The following VPS13A variants were observed in gnomAD, a reference collection of about 807,000 sequenced individuals.
The protein encoded by VPS13A is intermembrane lipid transfer protein VPS13A.
VPS13A carries 264 observed loss-of-function variants against 390.9 expected under a neutral mutation model. That is an observed-to-expected ratio of 0.68 (90% confidence interval 0.61 to 0.75). The LOEUF (loss-of-function observed/expected upper bound fraction) is 0.75, where lower values mean the gene tolerates loss of function less well. Among genes scored for constraint, VPS13A ranks in the 30% least tolerant of loss-of-function variants. The probability of loss-of-function intolerance (pLI) is 0.00; values close to 1 mark genes in which losing one functional copy is unlikely to be tolerated. For missense variants in VPS13A, 3,409 were observed against 3,733.9 expected (o/e 0.91, Z 2.27); for synonymous variants, 1,231 against 1,227.1 (o/e 1.00, Z -0.07).
At chr9:77,352,712 T>A (rs1238406436) in intron 53 of VPS13A, among the ~76,000 whole-genome samples, 1 of 152,140 alleles carries the variant, frequency 6.6e-6, no homozygotes, top group African/African-American at 2.4e-5. Flanking sequence ...ACTTAGAAAG[T>A]ATTACAAGTA....
intron 9 of VPS13A, among the ~76,000 whole-genome samples, 183 bp downstream of exon 9, chr9:77,213,497 CTTTTT>C (rs527345941): frequency 7.1e-6 from 1 of 140,096 alleles, no homozygotes. Context: ...ACCCCCATAT[CTTTTT>C]TTTTTTTTTT....
At chr9:77,389,542 C>T (rs998936452) in intron 68 of VPS13A, among the ~76,000 whole-genome samples, 2 of 152,056 alleles carry the variant, frequency 1.3e-5, no homozygotes, top group Non-Finnish European at 2.9e-5. Context: ...TGAGCTCAAG[C>T]GATCCTACCG....
intron 26 of VPS13A, among the ~76,000 whole-genome samples, chr9:77,279,111 ATC>A (rs1826864110): frequency 6.6e-6 from 1 of 152,230 alleles, no homozygotes; most frequent in East Asian, 1.9e-4. Context: ...CGTCTTCCTT[ATC>A]GCAAGGGCAG....
intron 52 of VPS13A, among the ~76,000 whole-genome samples, chr9:77,345,555 T>C (rs1031142906): frequency 6.6e-6 from 1 of 152,170 alleles, no homozygotes; most frequent in African/African-American, 2.4e-5. Context: ...GGGAAAGGAC[T>C]GCTTCCTTAA....
intron 33 of VPS13A, among the ~76,000 whole-genome samples, chr9:77,299,470 T>C (rs1039054344): frequency 2.6e-5 from 4 of 152,178 alleles, no homozygotes; most frequent in African/African-American, 9.6e-5. Flanking sequence ...TTTTACACTG[T>C]TGGTGTGCGT....
At chr9:77,316,730 C>G (rs917948972) in intron 39 of VPS13A, among the ~76,000 whole-genome samples, 6 of 151,962 alleles carry the variant, frequency 3.9e-5, no homozygotes, top group African/African-American at 1.4e-4. Context: ...AGACTTTCTG[C>G]CAGTTGTTTG....
intron 23 of VPS13A, among the ~76,000 whole-genome samples, chr9:77,261,368 A>G (rs1229602527): frequency 6.6e-6 from 1 of 151,800 alleles, no homozygotes; most frequent in Non-Finnish European, 1.5e-5. Flanking sequence ...TGCATATACC[A>G]TCTTTTGCTT....
chr9:77,189,569 G>T (rs555507435), intron 1 of VPS13A, among the ~76,000 whole-genome samples: 2 of 152,228 alleles, frequency 1.3e-5, no homozygotes, highest in East Asian at 3.9e-4. Context: ...GTTTAGGGTT[G>T]CTTTGGCTAT....
intron 1 of VPS13A, among the ~76,000 whole-genome samples, chr9:77,181,137 T>C (rs1002416502): frequency 6.6e-6 from 1 of 152,206 alleles, no homozygotes; most frequent in Admixed American, 6.5e-5. Context: ...ATAGCTGGAG[T>C]ATTTTTTTAA....
At chr9:77,357,283 C>T (rs985049264) in intron 55 of VPS13A, among the ~76,000 whole-genome samples, 46 of 136,536 alleles carry the variant, frequency 3.4e-4, no homozygotes, top group African/African-American at 1.1e-3. Flanking sequence ...GGCCCCACTG[C>T]GCTCCAGCCT....
chr9:77,339,719 A>C lies in VPS13A; in HGVS notation c.6582A>C (p.Leu2194Phe), dbSNP rs1488641444. Reference protein sequence around the residue: ...TCVTEMEKTDLDIAVHMTYNT... With the variant: ...TCVTEMEKTDFDIAVHMTYNT... ...TTACAGAAATGGAAAAGACTGATTTAGATATTGCTGTCCATATGACTTACA... is the reference window on the plus strand; with the variant it reads ...TTACAGAAATGGAAAAGACTGATTTCGATATTGCTGTCCATATGACTTACA... Residue 2194 changes from leucine to phenylalanine, a missense_variant, in exon 48 of 72, where the codon TTA becomes TTC. Leu to Phe is a conservative substitution (Grantham distance 22). This residue lies in a region of VPS13A where 2,717 missense variants were observed against 2,917.4 expected (regional missense o/e 0.93). Transcript: ENST00000360280. The C allele has an allele frequency of 6.2e-7, 1 of 1,614,068 alleles. No homozygotes were observed.
chr9:77,178,293 G>C (rs11145319), intron 1 of VPS13A: 18,150 of 154,502 alleles, frequency 0.12, 1,128 homozygotes, highest in Middle Eastern at 0.14. Flanking sequence ...CGCTGTGACC[G>C]GGGACGCCCG....
chr9:77,193,640 A>G (rs1440262564), intron 1 of VPS13A, among the ~76,000 whole-genome samples: 1 of 152,194 alleles, frequency 6.6e-6, no homozygotes, highest in Non-Finnish European at 1.5e-5. Flanking sequence ...TCTTCAAAAA[A>G]ATAAATATAT....
intron 23 of VPS13A, among the ~76,000 whole-genome samples, chr9:77,263,024 G>A (rs1314991068): frequency 6.6e-6 from 1 of 152,060 alleles, no homozygotes; most frequent in African/African-American, 2.4e-5. Flanking sequence ...CTTCCACAAT[G>A]CTGGAACTAA....
chr9:77,334,583 CAT>C (rs1285101700), intron 46 of VPS13A, among the ~76,000 whole-genome samples: 3 of 152,134 alleles, frequency 2.0e-5, no homozygotes, highest in South Asian at 4.1e-4. Flanking sequence ...CTACTCTAAA[CAT>C]ATGTTTTTTG....
chr9:77,337,726 T>G (rs1830610531), intron 47 of VPS13A, 189 bp downstream of exon 47: 2 of 579,484 alleles, frequency 3.5e-6, no homozygotes, highest in Admixed American at 3.2e-5. Context: ...AGAACTAGAC[T>G]TCAGTGACAA....
At chr9:77,324,388 T>C (rs1206338599) in intron 45 of VPS13A, among the ~76,000 whole-genome samples, 1 of 152,214 alleles carries the variant, frequency 6.6e-6, no homozygotes, top group Non-Finnish European at 1.5e-5. Flanking sequence ...TGTGTTGTTT[T>C]GTAGATGCCT....
chr9:77,256,750 T>C (rs1564669816), intron 22 of VPS13A, among the ~76,000 whole-genome samples: 1 of 152,234 alleles, frequency 6.6e-6, no homozygotes, highest in East Asian at 1.9e-4. Context: ...AATGTCCTTC[T>C]TTATTGCTTG....
At chr9:77,316,123 A>G in intron 38 of VPS13A, 51 bp from the exon 39 acceptor site, 1 of 966,148 alleles carries the variant, frequency 1.0e-6, no homozygotes, top group Non-Finnish European at 1.4e-6. Context: ...ATAAATAATA[A>G]ATTATTCATA....
Sources: gnomAD v4.1 joint callset for allele counts (sites outside exome capture counted in the v4.1 genomes callset) on GRCh38, gnomAD v4.1.1 for gene constraint, gnomAD v4.1.1 regional missense constraint, MANE v1.5 for transcripts, NCBI Gene and HGNC (gene_info 2026-07-23, HGNC 2026-07-21) for gene names.